Variants in TEX9 observed in about 807,000 individuals in gnomAD.
TEX9 encodes testis expressed 9, also known as testis-expressed protein 9.
A neutral mutation model predicts 59.6 loss-of-function variants in TEX9; 74 were observed. That is an observed-to-expected ratio of 1.24 (90% CI 1.03 to 1.51). The LOEUF (loss-of-function observed/expected upper bound fraction) is 1.51. Among genes scored for constraint, TEX9 ranks in the 40% most tolerant of loss-of-function variants. The pLI is 0.00. For synonymous variants in TEX9, 186 were observed against 152.2 expected, an observed-to-expected ratio of 1.22 and a Z score of -1.64; for missense variants, 522 against 447.8, an observed-to-expected ratio of 1.17 and a Z score of -1.49.
intron 1 of TEX9, among the ~76,000 whole-genome samples, chr15:56,294,328 C>T (rs2045168533): frequency 6.6e-6 from 1 of 152,208 alleles, no homozygotes; most frequent in African/African-American, 2.4e-5. Context: ...TCCTTTCCTG[C>T]ATCAGGGAGA....
chr15:56,281,549 C>A (rs969652716), intron 1 of TEX9, among the ~76,000 whole-genome samples: 1 of 152,216 alleles, frequency 6.6e-6, no homozygotes, highest in Admixed American at 6.5e-5. Flanking sequence ...ATCCCTCACC[C>A]CCCGCCCCAC....
chr15:56,248,939 C>T (rs1355489164), intron 1 of TEX9: 2 of 152,174 alleles, frequency 1.3e-5, no homozygotes, highest in African/African-American at 4.8e-5. Context: ...TCGATCATTC[C>T]TCCATTCCTT....
upstream of TEX9, among the ~76,000 whole-genome samples, chr15:56,363,501 G>T (rs1392352422): frequency 2.0e-5 from 3 of 152,018 alleles, no homozygotes; most frequent in Non-Finnish European, 1.5e-5. Context: ...ATTCTAGTGG[G>T]TGTCAAGTGG....
intron 1 of TEX9, among the ~76,000 whole-genome samples, chr15:56,316,582 A>G (rs1371887227): frequency 6.6e-5 from 10 of 151,976 alleles, no homozygotes; most frequent in African/African-American, 2.2e-4. Context: ...TTAAGGCTGC[A>G]GAGGTTACTG....
intron 1 of TEX9, among the ~76,000 whole-genome samples, chr15:56,329,727 T>G (rs951191131): frequency 6.6e-6 from 1 of 152,106 alleles, no homozygotes; most frequent in Admixed American, 6.6e-5. Flanking sequence ...GCTGGGCTAT[T>G]TGAAAATACA....
intron 1 of TEX9, among the ~76,000 whole-genome samples, chr15:56,330,683 A>G (rs1405768946): frequency 6.6e-6 from 1 of 152,116 alleles, no homozygotes; most frequent in Non-Finnish European, 1.5e-5. Flanking sequence ...ATACACAGAA[A>G]ATAAAAAGCA....
chr15:56,293,662 A>G (rs2045151044), intron 1 of TEX9, among the ~76,000 whole-genome samples: 1 of 152,200 alleles, frequency 6.6e-6, no homozygotes, highest in South Asian at 2.1e-4. Context: ...TGGAGATTAC[A>G]GGTATCAGCC....
chr15:56,364,271 A>G (rs1424208288), upstream of TEX9, among the ~76,000 whole-genome samples: 3 of 151,424 alleles, frequency 2.0e-5, no homozygotes, highest in African/African-American at 7.3e-5. Context: ...CTCCTGCTTC[A>G]GCCTCCCCAG....
intron 7 of TEX9, among the ~76,000 whole-genome samples, chr15:56,391,881 G>C (rs1358867496): frequency 6.6e-6 from 1 of 151,964 alleles, no homozygotes; most frequent in East Asian, 1.9e-4. Context: ...CATTGCATCA[G>C]GTAAAACAAT....
At chr15:56,332,385 C>T (rs1376236092) in intron 1 of TEX9, among the ~76,000 whole-genome samples, 22 of 149,882 alleles carry the variant, frequency 1.5e-4, no homozygotes, top group Admixed American at 3.3e-4. Context: ...AACCAAACAC[C>T]GCATATTCTC....
the TEX9 span, among the ~76,000 whole-genome samples, chr15:56,452,551 C>G: frequency 6.7e-6 from 1 of 148,158 alleles, no homozygotes; most frequent in African/African-American, 2.5e-5. Flanking sequence ...CAGAGTCTCT[C>G]TCTGTCGCCC....
upstream of TEX9, among the ~76,000 whole-genome samples, chr15:56,360,821 A>G (rs2141918219): frequency 6.6e-6 from 1 of 152,288 alleles, no homozygotes; most frequent in African/African-American, 2.4e-5. Context: ...GTACCAGATA[A>G]TTAAGGACAA....
At chr15:56,456,073 TA>T in the TEX9 span, among the ~76,000 whole-genome samples, 1 of 152,150 alleles carries the variant, frequency 6.6e-6, no homozygotes, top group African/African-American at 2.4e-5. Context: ...TGTAGAGGTA[TA>T]AAATTAAACT....
Position 56,436,938 on chromosome 15 carries a change from C to T in TEX9, c.*29+8465C>T, listed in dbSNP as rs186277961. Among the ~76,000 whole-genome samples the T allele has an allele frequency of 5.7e-3, 870 of 152,156 alleles. 30 individuals are homozygous for T. The highest frequency in any genetic ancestry group is 0.046 in the Admixed American group (705 of 15,264). Reference sequence around the variant, plus strand: ...AATCCCTGAATAGACCAATAACAGGCTCTGAAATTGAGGCAATAATTAATA... The same window carrying T: ...AATCCCTGAATAGACCAATAACAGGTTCTGAAATTGAGGCAATAATTAATA... On this transcript the variant is annotated intron_variant, in intron 12 of 12. Coordinates refer to ENST00000352903, the Ensembl canonical transcript of TEX9.
chr15:56,365,349 G>C (rs1486567738), upstream of TEX9: 23 of 1,455,424 alleles, frequency 1.6e-5, no homozygotes, highest in East Asian at 4.6e-4. Flanking sequence ...CAGAACCTGA[G>C]AGTGGGAAGG....
chr15:56,319,628 A>C (rs2045858566), intron 1 of TEX9, among the ~76,000 whole-genome samples: 1 of 152,140 alleles, frequency 6.6e-6, no homozygotes, highest in African/African-American at 2.4e-5. Context: ...TCTCTTTCTC[A>C]AAATCCAACT....
intron 3 of TEX9, among the ~76,000 whole-genome samples, chr15:56,378,253 C>T (rs1382343206): frequency 2.6e-5 from 4 of 151,916 alleles, no homozygotes. Flanking sequence ...TGGAAGTATT[C>T]CCTCCTCCTC....
At chr15:56,342,393 A>G (rs1433164230) in intron 1 of TEX9, among the ~76,000 whole-genome samples, 5 of 152,202 alleles carry the variant, frequency 3.3e-5, no homozygotes, top group Admixed American at 1.3e-4. Context: ...ACAACTGGCT[A>G]TAAAAAATCA....
At chr15:56,310,760 G>C (rs2045592529) in intron 1 of TEX9, among the ~76,000 whole-genome samples, 2 of 152,198 alleles carry the variant, frequency 1.3e-5, no homozygotes, top group Non-Finnish European at 2.9e-5. Flanking sequence ...GAGAAAAAGA[G>C]GGTCAGGGAG....
Sources: allele counts gnomAD v4.1 joint callset (sites outside exome capture counted in the v4.1 genomes callset), GRCh38; gene constraint gnomAD v4.1.1; transcripts MANE v1.5; gene names NCBI Gene and HGNC (gene_info 2026-07-23, HGNC 2026-07-21).